Variants in MBD5 observed in about 807,000 individuals in gnomAD.
MBD5 encodes methyl-CpG binding domain protein 5, also known as methyl-CpG-binding domain protein 5.
A neutral mutation model predicts 117.3 loss-of-function variants in MBD5; 13 were observed. The observed-to-expected ratio is 0.11, with a 90% CI of 0.07 to 0.18. The LOEUF (loss-of-function observed/expected upper bound fraction) is 0.18, where lower values mean the gene tolerates loss of function less well. Among genes scored for constraint, MBD5 ranks in the 10% least tolerant of loss-of-function variants. MBD5 has a pLI of 1.00. For synonymous variants in MBD5, 727 were observed against 766.4 expected (o/e 0.95, Z 0.85); for missense variants, 1,879 against 2,093.8 (o/e 0.90, Z 2.00).
chr2:148,435,516 A>T (rs1177744568), intron 4 of MBD5, among the ~76,000 whole-genome samples: 1 of 152,164 alleles, frequency 6.6e-6, no homozygotes, highest in African/African-American at 2.4e-5. Flanking sequence ...GTTTGCCTGG[A>T]TATGAAATGC....
chr2:148,319,531 C>G (rs1285400716), intron 3 of MBD5, among the ~76,000 whole-genome samples: 1 of 151,968 alleles, frequency 6.6e-6, no homozygotes, highest in Admixed American at 6.6e-5. Flanking sequence ...AATGGGATTG[C>G]CTTCTTCATT....
intron 1 of MBD5, among the ~76,000 whole-genome samples, chr2:148,052,373 G>C (rs756420187): frequency 3.0e-4 from 46 of 151,838 alleles, no homozygotes; most frequent in Non-Finnish European, 5.9e-4. Flanking sequence ...ACCACACCCA[G>C]CTAATTGTGT....
chr2:148,366,499 A>T (rs1299530471), intron 4 of MBD5, among the ~76,000 whole-genome samples: 1 of 152,196 alleles, frequency 6.6e-6, no homozygotes, highest in Admixed American at 6.5e-5. Context: ...AGAGAAAGAA[A>T]TAAAGGGTAT....
At chr2:148,446,153 T>A (rs535335809) in intron 4 of MBD5, among the ~76,000 whole-genome samples, 1,961 of 149,610 alleles carry the variant, frequency 0.013, 35 homozygotes, top group African/African-American at 0.038. Flanking sequence ...CCCATTTGTC[T>A]ATTTTGGCTT....
chr2:148,148,072 C>G (rs959364440), intron 1 of MBD5, among the ~76,000 whole-genome samples: 1 of 152,140 alleles, frequency 6.6e-6, no homozygotes, highest in Non-Finnish European at 1.5e-5. Flanking sequence ...AAGCCATCTC[C>G]AACACCTGCA....
intron 4 of MBD5, among the ~76,000 whole-genome samples, chr2:148,377,000 G>T (rs1167041620): frequency 6.8e-6 from 1 of 147,786 alleles, no homozygotes; most frequent in Non-Finnish European, 1.5e-5. Context: ...TAGAGAGAGA[G>T]GATATATATA....
At chr2:148,110,846 C>G (rs1696489202) in intron 1 of MBD5, among the ~76,000 whole-genome samples, 1 of 151,824 alleles carries the variant, frequency 6.6e-6, no homozygotes, top group Non-Finnish European at 1.5e-5. Context: ...GCTTTGTCTT[C>G]TAACCCTCTT....
chr2:148,416,228 A>G (rs931842384), intron 4 of MBD5, among the ~76,000 whole-genome samples: 1 of 152,184 alleles, frequency 6.6e-6, no homozygotes, highest in African/African-American at 2.4e-5. Context: ...TTAGGGGACC[A>G]AGGCTCAGCT....
rs1302025250 is a variant in MBD5 at position 148,141,290 on chromosome 2, C to T, written c.-924-37410C>T. On this transcript the variant is annotated intron_variant, in intron 1 of 13. Transcript: ENST00000642680. ...GACCTCTTGAAAATTCAAGCAAGAT[C>T]TTCAGGTTCTTGCAATTGGAGACAC... Among the ~76,000 whole-genome samples the T allele has an allele frequency of 3.3e-5, 5 of 152,106 alleles. 1 individual carries two copies. The highest frequency in any genetic ancestry group is 7.4e-5 in the Non-Finnish European group (5 of 68,008).
At chr2:148,166,947 T>C (rs1039087150) in intron 1 of MBD5, among the ~76,000 whole-genome samples, 1 of 152,134 alleles carries the variant, frequency 6.6e-6, no homozygotes, top group Non-Finnish European at 1.5e-5. Context: ...GATTCTTTAA[T>C]TGGGGGTTTT....
At chr2:148,152,426 G>T (rs1697706896) in intron 1 of MBD5, among the ~76,000 whole-genome samples, 1 of 152,160 alleles carries the variant, frequency 6.6e-6, no homozygotes, top group Non-Finnish European at 1.5e-5. Flanking sequence ...TTGATTTGGG[G>T]TGGAGAGTTC....
chr2:148,470,171 G>C lies in MBD5; in HGVS notation c.2228G>C (p.Ser743Thr), dbSNP rs1680747427. ...SANQLHFTDP[S>T]MNSSVLQNIP... ...AACCAGCTGCATTTTACAGATCCCA[G>C]TATGAACTCTAGTGTTCTTCAGAAC... The change falls in exon 8 of 14, where the codon AGT (serine) becomes ACT (threonine). Residue 743 changes from serine to threonine, a missense_variant. By Grantham distance (58) the Ser-to-Thr change is moderately conservative (BLOSUM62 1). Around this residue, in one of 4 missense-constraint regions of MBD5, gnomAD observed 1,666 missense variants for 1,792.2 expected, o/e 0.93. Coordinates refer to ENST00000642680, the MANE Select transcript of MBD5 (RefSeq NM_001378120.1). 6.2e-7 allele frequency: 1 copy of C among 1,613,852 alleles called. No homozygotes were observed. Among genetic ancestry groups the C allele is most frequent in the African/African-American group, 1.3e-5 (1 of 74,920 alleles).
intron 3 of MBD5, among the ~76,000 whole-genome samples, chr2:148,318,856 C>T (rs1210977241): frequency 6.6e-6 from 1 of 152,100 alleles, no homozygotes; most frequent in Non-Finnish European, 1.5e-5. Flanking sequence ...GCTGGGATTA[C>T]AGACATGCGC....
At chr2:148,278,723 T>C (rs1701171593) in intron 3 of MBD5, among the ~76,000 whole-genome samples, 1 of 152,164 alleles carries the variant, frequency 6.6e-6, no homozygotes, top group Admixed American at 6.5e-5. Context: ...CTCACTTGAT[T>C]ATGGAGGCAG....
At chr2:148,068,594 G>T (rs1229718381) in intron 1 of MBD5, 1 of 152,202 alleles carries the variant, frequency 6.6e-6, no homozygotes, top group Non-Finnish European at 1.5e-5. Context: ...CTTCCAGCAG[G>T]TAACTTCTGT....
At chr2:148,460,421 T>TC (rs1707032371) in intron 5 of MBD5, 1 of 152,202 alleles carries the variant, frequency 6.6e-6, no homozygotes, top group Non-Finnish European at 1.5e-5. Flanking sequence ...AAACAAGCTT[T>TC]CCTAGATTAG....
intron 4 of MBD5, among the ~76,000 whole-genome samples, chr2:148,409,111 T>G (rs1267468578): frequency 6.6e-6 from 1 of 152,020 alleles, no homozygotes; most frequent in Non-Finnish European, 1.5e-5. Context: ...TTTGACTGGG[T>G]GTGGTGACTC....
chr2:148,196,042 A>T (rs1698978164), intron 2 of MBD5, among the ~76,000 whole-genome samples: 1 of 152,196 alleles, frequency 6.6e-6, no homozygotes, highest in South Asian at 2.1e-4. Flanking sequence ...AAGCTGAGTA[A>T]CAACTTGTTG....
intron 1 of MBD5, among the ~76,000 whole-genome samples, chr2:148,151,724 T>A (rs1316633035): frequency 2.0e-5 from 3 of 152,308 alleles, no homozygotes; most frequent in African/African-American, 4.8e-5. Flanking sequence ...CTAGTTGATT[T>A]GTGTAGAGGT....
Sources: allele counts gnomAD v4.1 joint callset (sites outside exome capture counted in the v4.1 genomes callset), GRCh38; gene constraint gnomAD v4.1.1; regional missense constraint gnomAD v4.1.1; transcripts MANE v1.5; gene names NCBI Gene and HGNC (gene_info 2026-07-23, HGNC 2026-07-21).